CCDC102B: variants seen among roughly 807,000 people sequenced by gnomAD.
The protein encoded by CCDC102B is coiled-coil domain-containing protein 102B.
In CCDC102B, 75 loss-of-function variants were observed where a neutral mutation model predicts 57.4. The ratio of observed to expected loss-of-function variants is 1.31; its 90% CI spans 1.08 to 1.58. The LOEUF is 1.58. Among genes scored for constraint, CCDC102B ranks in the 40% most tolerant of loss-of-function variants. CCDC102B has a pLI of 0.00. For synonymous variants in CCDC102B, 206 were observed against 201.9 expected (o/e 1.02, Z -0.17); for missense variants, 636 against 582.6 (o/e 1.09, Z -0.94).
intron 7 of CCDC102B, among the ~76,000 whole-genome samples, chr18:69,042,143 GA>G: frequency 6.6e-6 from 1 of 151,962 alleles, no homozygotes; most frequent in East Asian, 1.9e-4. Flanking sequence ...GAGCAGCATG[GA>G]AAAACTGGGA....
chr18:68,756,933 G>A (rs1283684668), intron 2 of CCDC102B, among the ~76,000 whole-genome samples: 1 of 151,890 alleles, frequency 6.6e-6, no homozygotes, highest in Non-Finnish European at 1.5e-5. Flanking sequence ...GCATGTCTAT[G>A]CGTGTGTGGG....
At chr18:68,927,938 A>G (rs546135740) in intron 6 of CCDC102B, among the ~76,000 whole-genome samples, 1 of 151,986 alleles carries the variant, frequency 6.6e-6, no homozygotes, top group African/African-American at 2.4e-5. Context: ...TCATCTTCAG[A>G]TGGGTCTGAT....
chr18:69,040,414 GTGTGTA>G (rs1420867738), intron 7 of CCDC102B, among the ~76,000 whole-genome samples: 3,114 of 13,644 alleles, frequency 0.23, 41 homozygotes, highest in African/African-American at 0.28. Context: ...GTGTGTGTGT[GTGTGTA>G]TGTGTGTGTG....
chr18:68,746,349 G>T (rs749016703), intron 2 of CCDC102B, among the ~76,000 whole-genome samples: 22 of 152,086 alleles, frequency 1.4e-4, no homozygotes, highest in Non-Finnish European at 2.4e-4. Flanking sequence ...GTTTTCAGCT[G>T]GGAATCCTTT....
intron 6 of CCDC102B, among the ~76,000 whole-genome samples, chr18:68,977,642 A>G (rs535499140): frequency 5.5e-4 from 84 of 151,818 alleles, no homozygotes; most frequent in African/African-American, 2.0e-3. Context: ...AACATTAAAT[A>G]TGATAATGAT....
At chr18:69,039,071 G>A (rs538099867) in intron 7 of CCDC102B, among the ~76,000 whole-genome samples, 1 of 152,022 alleles carries the variant, frequency 6.6e-6, no homozygotes, top group Admixed American at 6.6e-5. Flanking sequence ...GGGGGTTCCT[G>A]TGCTTACCAC....
chr18:68,921,212 A>G (rs2041267089), intron 6 of CCDC102B, among the ~76,000 whole-genome samples: 1 of 152,200 alleles, frequency 6.6e-6, no homozygotes, highest in Admixed American at 6.5e-5. Flanking sequence ...CTCATCCTGA[A>G]TTCCCACGTG....
chr18:68,874,078 T>C (rs954833229), intron 4 of CCDC102B, among the ~76,000 whole-genome samples: 1 of 151,926 alleles, frequency 6.6e-6, no homozygotes, highest in African/African-American at 2.4e-5. Context: ...CTCACCTTTC[T>C]GTTTTTTTCT....
At chr18:68,904,095 A>G (rs958406956) in intron 6 of CCDC102B, among the ~76,000 whole-genome samples, 1 of 138,446 alleles carries the variant, frequency 7.2e-6, no homozygotes, top group Admixed American at 7.8e-5. Context: ...ACTTAAGAAT[A>G]CACAATTACA....
At chr18:68,776,784 C>G (rs1025089007) in intron 2 of CCDC102B, among the ~76,000 whole-genome samples, 3 of 151,904 alleles carry the variant, frequency 2.0e-5, no homozygotes, top group African/African-American at 7.3e-5. Context: ...ACCTATGAAA[C>G]AAACCTGCAT....
At chr18:69,051,077 G>A (rs1294595177) in intron 7 of CCDC102B, among the ~76,000 whole-genome samples, 1 of 152,046 alleles carries the variant, frequency 6.6e-6, no homozygotes, top group Non-Finnish European at 1.5e-5. Flanking sequence ...AAGAAATGGG[G>A]TCCCACTACA....
At chr18:68,958,672 A>G (rs1324358467) in intron 6 of CCDC102B, among the ~76,000 whole-genome samples, 3 of 152,004 alleles carry the variant, frequency 2.0e-5, no homozygotes, top group East Asian at 3.9e-4. Flanking sequence ...TCTTATATGC[A>G]TGCTTTATTC....
intron 6 of CCDC102B, among the ~76,000 whole-genome samples, chr18:68,940,639 T>TA (rs1323716212): frequency 1.3e-5 from 2 of 151,884 alleles, no homozygotes; most frequent in Admixed American, 1.3e-4. Flanking sequence ...TAAAAAAGCT[T>TA]AACTTGCTTC....
At chr18:68,989,294 C>T (rs1418415815) in intron 6 of CCDC102B, among the ~76,000 whole-genome samples, 2 of 152,088 alleles carry the variant, frequency 1.3e-5, no homozygotes, top group African/African-American at 4.8e-5. Context: ...ATTTCTTGCT[C>T]TCTTATAATA....
At chr18:68,854,016 A>C (rs533139404) in intron 4 of CCDC102B, among the ~76,000 whole-genome samples, 49 of 152,334 alleles carry the variant, frequency 3.2e-4, no homozygotes, top group Non-Finnish European at 4.7e-4. Context: ...TAGAATCAAA[A>C]ATGGTTCCGT....
intron 5 of CCDC102B, among the ~76,000 whole-genome samples, chr18:68,885,085 G>C (rs1345341255): frequency 1.3e-5 from 2 of 151,794 alleles, no homozygotes; most frequent in Non-Finnish European, 2.9e-5. Context: ...CAAAAACATT[G>C]ATTAGCCCAA....
intron 6 of CCDC102B, among the ~76,000 whole-genome samples, chr18:68,948,490 G>A (rs553651577): frequency 1.7e-4 from 23 of 135,734 alleles, no homozygotes; most frequent in African/African-American, 6.8e-4. Flanking sequence ...AAATTGAAGT[G>A]TATTTGGAAA....
Position 68,837,929 on chromosome 18 carries a change from G to A in CCDC102B, c.606+560G>A, listed in dbSNP as rs144904618. Among the ~76,000 whole-genome samples the A allele has an allele frequency of 7.0e-3, 1,062 of 152,144 alleles. 15 individuals are homozygous for A. Among genetic ancestry groups the A allele is most frequent in the African/African-American group, 0.024 (1,013 of 41,526 alleles). On this transcript the variant is annotated intron_variant, in intron 2 of 7. Transcript: ENST00000360242. ...CAATGCTCATTCTTGAGAGAATTAA[G>A]GAATGAATCATCCTAGGTAACCTGG... is the stretch of plus-strand genomic sequence containing the variant.
intron 2 of CCDC102B, among the ~76,000 whole-genome samples, chr18:68,732,527 A>G (rs1016585661): frequency 2.0e-5 from 3 of 151,698 alleles, no homozygotes; most frequent in East Asian, 2.0e-4. Context: ...TTTTATTTTT[A>G]GTAGAGACGG....
Sources: allele counts gnomAD v4.1 joint callset (sites outside exome capture counted in the v4.1 genomes callset), GRCh38; gene constraint gnomAD v4.1.1; transcripts MANE v1.5; gene names NCBI Gene and HGNC (gene_info 2026-07-23, HGNC 2026-07-21).